The following NSMCE2 variants were observed in gnomAD, a reference collection of about 807,000 sequenced individuals.
NSMCE2 encodes E3 SUMO-protein ligase NSE2.
NSMCE2 carries 24 observed loss-of-function variants against 23.8 expected under a neutral mutation model. The observed-to-expected ratio is 1.01, with a 90% confidence interval of 0.73 to 1.42. The LOEUF is 1.42. NSMCE2 is among the 40% of genes most tolerant of loss of function. NSMCE2 has a pLI of 0.00. For missense variants in NSMCE2, 284 were observed against 296.5 expected, an observed-to-expected ratio of 0.96 and a Z score of 0.31; for synonymous variants, 92 against 94.1, an observed-to-expected ratio of 0.98 and a Z score of 0.13.
intron 5 of NSMCE2, among the ~76,000 whole-genome samples, chr8:125,255,146 C>CTGTA (rs1826352188): frequency 1.3e-5 from 2 of 151,982 alleles, no homozygotes; most frequent in Admixed American, 6.6e-5. Context: ...AACTTGTCAG[C>CTGTA]TGTATGAATG....
chr8:125,352,788 T>C (rs1342574988), intron 5 of NSMCE2, among the ~76,000 whole-genome samples: 2 of 152,210 alleles, frequency 1.3e-5, no homozygotes, highest in Non-Finnish European at 1.5e-5. Flanking sequence ...TCAGTATAAG[T>C]GATATTTATT....
chr8:125,111,271 CT>C (rs367652126), intron 3 of NSMCE2, among the ~76,000 whole-genome samples: 8 of 152,262 alleles, frequency 5.3e-5, no homozygotes, highest in Non-Finnish European at 1.2e-4. Flanking sequence ...TCATGAATAA[CT>C]GACCTTTTAC....
chr8:125,197,640 G>A (rs1823682272), intron 5 of NSMCE2, among the ~76,000 whole-genome samples: 1 of 152,042 alleles, frequency 6.6e-6, no homozygotes, highest in Non-Finnish European at 1.5e-5. Context: ...CCACAGCTTT[G>A]TTCTTTTTGC....
chr8:125,147,574 G>T (rs1586512992), intron 3 of NSMCE2, among the ~76,000 whole-genome samples: 1 of 152,196 alleles, frequency 6.6e-6, no homozygotes, highest in East Asian at 1.9e-4. Context: ...AAGCAGGTAG[G>T]GCCTGAGCTC....
rs780437630 is a variant in NSMCE2, at chr8:125,098,642, T to G, written c.-110-3409T>G. Among the ~76,000 whole-genome samples, 42 of 152,152 alleles carry G rather than the reference T, an allele frequency of 2.8e-4. 1 individual carries two copies. The highest frequency in any genetic ancestry group is 1.2e-3 in the Admixed American group (19 of 15,280). On this transcript the variant is annotated intron_variant, in intron 1 of 7. Transcript: ENST00000287437. ...GGTTGGATTCTGGAGATAGTTTGAC[T>G]ACAGAGCTGGCAAAATTGATGTTGA...
intron 4 of NSMCE2, among the ~76,000 whole-genome samples, chr8:125,173,092 C>G (rs1822300964): frequency 6.6e-6 from 1 of 152,202 alleles, no homozygotes; most frequent in Non-Finnish European, 1.5e-5. Flanking sequence ...CTTCTTTACC[C>G]TTGATAATCA....
intron 5 of NSMCE2, among the ~76,000 whole-genome samples, chr8:125,306,240 G>T (rs540390902): frequency 1.9e-4 from 29 of 152,184 alleles, no homozygotes; most frequent in Middle Eastern, 3.4e-3. Flanking sequence ...TGAGGCGAGA[G>T]GATGGCTTGA....
chr8:125,239,534 G>T (rs148941466), intron 5 of NSMCE2, among the ~76,000 whole-genome samples: 2 of 150,676 alleles, frequency 1.3e-5, no homozygotes, highest in African/African-American at 4.9e-5. Context: ...GCTTTAACCC[G>T]GGAGGCAGAG....
chr8:125,192,156 C>G (rs894461332), intron 5 of NSMCE2, among the ~76,000 whole-genome samples: 1 of 152,002 alleles, frequency 6.6e-6, no homozygotes, highest in African/African-American at 2.4e-5. Flanking sequence ...TTAGGAAGAC[C>G]AAGTCTTAAG....
rs116479103 is a variant in NSMCE2 at position 125,230,472 on chromosome 8, G to A, written c.418+48216G>A. Among the ~76,000 whole-genome samples the A allele has an allele frequency of 3.3e-3, 498 of 152,206 alleles. 1 individual carries two copies. The highest frequency in any genetic ancestry group is 0.011 in the African/African-American group (467 of 41,530). On this transcript the variant is annotated intron_variant, in intron 5 of 7. Coordinates refer to ENST00000287437, the MANE Select transcript of NSMCE2 (RefSeq NM_173685.4). The stretch of plus-strand genomic sequence containing the variant: ...ACCAAAATCATTATTGATGTTCAAA[G>A]CGTGAACATCCCTTGGGGAAGTGGG...
At chr8:125,211,437 T>C (rs968926520) in intron 5 of NSMCE2, among the ~76,000 whole-genome samples, 1 of 152,228 alleles carries the variant, frequency 6.6e-6, no homozygotes, top group Non-Finnish European at 1.5e-5. Context: ...CATATAGCAC[T>C]GCCTCACTTT....
chr8:125,333,406 A>C (rs966465936), intron 5 of NSMCE2, among the ~76,000 whole-genome samples: 2 of 151,286 alleles, frequency 1.3e-5, no homozygotes, highest in African/African-American at 4.9e-5. Context: ...TCCTGGCCTC[A>C]AGTGATCCTC....
At chr8:125,222,880 C>T (rs928967686) in intron 5 of NSMCE2, among the ~76,000 whole-genome samples, 5 of 151,668 alleles carry the variant, frequency 3.3e-5, no homozygotes, top group African/African-American at 9.7e-5. Flanking sequence ...CTAGGCAACA[C>T]GGCAAAACCC....
At chr8:125,362,530 A>G (rs1473079176) in intron 7 of NSMCE2, among the ~76,000 whole-genome samples, 2 of 151,944 alleles carry the variant, frequency 1.3e-5, no homozygotes, top group Non-Finnish European at 2.9e-5. Context: ...CCTGAAGTGA[A>G]CTCCCCAGTC....
At chr8:125,171,456 C>T (rs1822202137) in intron 4 of NSMCE2, among the ~76,000 whole-genome samples, 1 of 152,186 alleles carries the variant, frequency 6.6e-6, no homozygotes, top group Admixed American at 6.5e-5. Context: ...AATTAGACCG[C>T]TCCTCAGCTT....
intron 4 of NSMCE2, among the ~76,000 whole-genome samples, chr8:125,155,030 A>G: frequency 6.6e-6 from 1 of 152,268 alleles, no homozygotes; most frequent in East Asian, 1.9e-4. Flanking sequence ...CTGAACAGCC[A>G]TGTGCCAGGC....
intron 5 of NSMCE2, among the ~76,000 whole-genome samples, chr8:125,258,384 G>A (rs2131038985): frequency 6.6e-6 from 1 of 152,198 alleles, no homozygotes; most frequent in East Asian, 1.9e-4. Context: ...GGAGATTATG[G>A]TCTTATACTA....
intron 5 of NSMCE2, among the ~76,000 whole-genome samples, chr8:125,320,091 G>T (rs951851710): frequency 1.3e-5 from 2 of 151,112 alleles, no homozygotes; most frequent in Admixed American, 1.3e-4. Flanking sequence ...CAGGAAAATC[G>T]CTTGAACCCA....
rs766558346 is a variant in NSMCE2 at position 125,182,236 on chromosome 8, T to G, written c.398T>G (p.Leu133Arg). Reference sequence around the variant, plus strand: ...AAATTTGTACAGTTTAAACAACAGCTGAAAGAACTAAAGAAGCAATGTAAG... The same window carrying G: ...AAATTTGTACAGTTTAAACAACAGCGGAAAGAACTAAAGAAGCAATGTAAG... ...NEKFVQFKQQ[L>R]KELKKQCGLQ... The change falls in exon 5 of 8, where the codon CTG (leucine) becomes CGG (arginine). Residue 133 changes from leucine (L) to arginine (R), a missense_variant. This residue lies in a region of NSMCE2 where 182 missense variants were observed against 155.5 expected (regional missense o/e 1.17). Coordinates refer to ENST00000287437, the MANE Select transcript of NSMCE2 (RefSeq NM_173685.4). 1.1e-5 allele frequency: 18 copies of G among 1,604,774 alleles called. No homozygotes were observed. Among genetic ancestry groups the G allele is most frequent in the Non-Finnish European group, 1.5e-5 (18 of 1,177,034 alleles).
Sources: allele counts gnomAD v4.1 joint callset (sites outside exome capture counted in the v4.1 genomes callset), GRCh38; gene constraint gnomAD v4.1.1; regional missense constraint gnomAD v4.1.1; transcripts MANE v1.5; gene names NCBI Gene and HGNC (gene_info 2026-07-23, HGNC 2026-07-21).